FILIP1L: variants seen among roughly 807,000 people sequenced by gnomAD.
The protein encoded by FILIP1L is filamin A-interacting protein 1-like.
A neutral mutation model predicts 96.6 loss-of-function variants in FILIP1L; 55 were observed. The observed-to-expected ratio is 0.57, with a 90% confidence interval of 0.46 to 0.71. FILIP1L has a LOEUF of 0.71. FILIP1L is among the 30% of genes least tolerant of loss of function. FILIP1L has a pLI of 0.00. For synonymous variants in FILIP1L, 467 were observed against 473.9 expected, an observed-to-expected ratio of 0.99 and a Z score of 0.19; for missense variants, 1,304 against 1,321.2, an observed-to-expected ratio of 0.99 and a Z score of 0.20.
chr3:99,940,002 A>G (rs1439113979), intron 1 of FILIP1L, among the ~76,000 whole-genome samples: 2 of 152,352 alleles, frequency 1.3e-5, no homozygotes, highest in East Asian at 3.9e-4. Context: ...GGCTGTAGAT[A>G]CAGAATAAAC....
chr3:99,980,479 A>G (rs1709090312), intron 1 of FILIP1L, among the ~76,000 whole-genome samples: 1 of 152,178 alleles, frequency 6.6e-6, no homozygotes, highest in Non-Finnish European at 1.5e-5. Flanking sequence ...TTCCACAGAA[A>G]CCATCTGGTA....
intron 5 of FILIP1L, among the ~76,000 whole-genome samples, chr3:99,833,638 T>C (rs1425686715): frequency 6.6e-6 from 1 of 152,220 alleles, no homozygotes; most frequent in East Asian, 1.9e-4. Context: ...GCTTTGAACT[T>C]TTTGATCTGT....
chr3:99,949,971 C>T (rs1708127482), intron 1 of FILIP1L, among the ~76,000 whole-genome samples: 1 of 152,036 alleles, frequency 6.6e-6, no homozygotes, highest in African/African-American at 2.4e-5. Flanking sequence ...TAATTATTTC[C>T]CAGAATAACC....
At chr3:99,881,736 T>C (rs929585776) in intron 4 of FILIP1L, among the ~76,000 whole-genome samples, 3 of 152,214 alleles carry the variant, frequency 2.0e-5, no homozygotes, top group African/African-American at 4.8e-5. Context: ...TTTCACCATG[T>C]TGGCCAGGCT....
At position 99,951,310 on chromosome 3, in the gene FILIP1L, C is replaced by A. The variant is rs192621771; in HGVS notation, c.-10-20280G>T. 4.0e-3 allele frequency among the ~76,000 whole-genome samples: 614 copies of A among 152,270 alleles called. 4 individuals are homozygous for A. The highest frequency in any genetic ancestry group is 4.4e-3 in the Non-Finnish European group (302 of 68,022). On this transcript the variant is annotated intron_variant, in intron 1 of 5. Transcript: ENST00000477258. ...GTAATTACAGTAGCTATTTTACTTA[C>A]ATCTATATTATTATCTAAAGAATTT...
chr3:100,051,577 T>G (rs1025481789), intron 1 of FILIP1L, among the ~76,000 whole-genome samples: 1 of 142,898 alleles, frequency 7.0e-6, no homozygotes, highest in Non-Finnish European at 1.5e-5. Context: ...TCATTGTTCA[T>G]TTCCCACCTA....
At chr3:99,912,408 G>T (rs939098833) in intron 4 of FILIP1L, among the ~76,000 whole-genome samples, 1 of 152,118 alleles carries the variant, frequency 6.6e-6, no homozygotes, top group Non-Finnish European at 1.5e-5. Flanking sequence ...ACAGGGTCTT[G>T]CTTTGTTTCC....
At chr3:99,995,432 G>T (rs1709650207) in intron 1 of FILIP1L, among the ~76,000 whole-genome samples, 1 of 152,136 alleles carries the variant, frequency 6.6e-6, no homozygotes, top group Admixed American at 6.5e-5. Flanking sequence ...TCATTGGCTG[G>T]CCTTGAGTAT....
chr3:99,966,724 G>A (rs968164040), intron 1 of FILIP1L, among the ~76,000 whole-genome samples: 13 of 152,220 alleles, frequency 8.5e-5, no homozygotes, highest in African/African-American at 3.1e-4. Context: ...AATAAATGTA[G>A]TGTGTCAGAT....
intron 1 of FILIP1L, among the ~76,000 whole-genome samples, chr3:100,096,484 T>C (rs762287761): frequency 1.1e-4 from 16 of 152,210 alleles, no homozygotes; most frequent in Non-Finnish European, 2.1e-4. Context: ...CTGGAGGTCA[T>C]TATGTTAAGT....
chr3:100,107,332 G>A (rs1447664479), intron 1 of FILIP1L, among the ~76,000 whole-genome samples: 1 of 152,130 alleles, frequency 6.6e-6, no homozygotes, highest in Admixed American at 6.6e-5. Context: ...AAATGACAAA[G>A]TGCATGTGGG....
At chr3:100,093,021 A>G (rs957938707) in intron 1 of FILIP1L, among the ~76,000 whole-genome samples, 1 of 152,122 alleles carries the variant, frequency 6.6e-6, no homozygotes. Flanking sequence ...GTGGGGTTTC[A>G]TAAATACGTT....
At chr3:99,947,036 C>A (rs1266739635) in intron 1 of FILIP1L, among the ~76,000 whole-genome samples, 1 of 148,542 alleles carries the variant, frequency 6.7e-6, no homozygotes, top group African/African-American at 2.5e-5. Flanking sequence ...ACTCGGGAGG[C>A]TGAGGCAGGG....
At chr3:99,922,506 C>T (rs1427861861) in intron 4 of FILIP1L, among the ~76,000 whole-genome samples, 1 of 152,074 alleles carries the variant, frequency 6.6e-6, no homozygotes, top group Non-Finnish European at 1.5e-5. Flanking sequence ...GCCATGGATT[C>T]TCTGGCACTC....
At chr3:99,931,098 G>T in intron 1 of FILIP1L, 68 bp from the exon 2 acceptor site, 2 of 1,276,480 alleles carry the variant, frequency 1.6e-6, no homozygotes, top group Non-Finnish European at 2.2e-6. Flanking sequence ...ACCTATTACT[G>T]CTTTAACAAG....
At chr3:99,866,514 A>AT (rs1455170222) in intron 4 of FILIP1L, among the ~76,000 whole-genome samples, 2 of 152,344 alleles carry the variant, frequency 1.3e-5, no homozygotes, top group African/African-American at 4.8e-5. Flanking sequence ...AATGTGAAAC[A>AT]TTTTGATCCT....
intron 1 of FILIP1L, among the ~76,000 whole-genome samples, chr3:100,047,483 AT>A (rs1398313172): frequency 6.6e-6 from 1 of 152,208 alleles, no homozygotes; most frequent in Non-Finnish European, 1.5e-5. Flanking sequence ...AAAGAATACC[AT>A]TATTATTCAT....
chr3:100,000,650 G>A (rs1709816382), intron 1 of FILIP1L, among the ~76,000 whole-genome samples: 1 of 152,312 alleles, frequency 6.6e-6, no homozygotes, highest in Admixed American at 6.5e-5. Context: ...AGGAGTTCAA[G>A]GCCAGAGTGA....
At chr3:99,998,489 A>G (rs1397809858) in intron 1 of FILIP1L, among the ~76,000 whole-genome samples, 1 of 152,196 alleles carries the variant, frequency 6.6e-6, no homozygotes, top group Non-Finnish European at 1.5e-5. Context: ...ACAATTTGGT[A>G]AAGGGAAGTA....
Sources: allele counts gnomAD v4.1 joint callset (sites outside exome capture counted in the v4.1 genomes callset), GRCh38; gene constraint gnomAD v4.1.1; transcripts MANE v1.5; gene names NCBI Gene and HGNC (gene_info 2026-07-23, HGNC 2026-07-21).